DYDC1: variants seen among roughly 807,000 people sequenced by gnomAD.
DYDC1 encodes the protein DPY30 domain-containing protein 1.
A neutral mutation model predicts 27.9 loss-of-function variants in DYDC1; 21 were observed. That is an observed-to-expected ratio of 0.75 (90% CI 0.53 to 1.08). DYDC1 has a LOEUF of 1.08. Ranked by LOEUF, DYDC1 falls within the 50% of genes least tolerant of loss-of-function variation. The pLI, the probability that DYDC1 is intolerant of heterozygous loss-of-function variation, is 0.00. For synonymous variants in DYDC1, 67 were observed against 65.8 expected (o/e 1.02, Z -0.09); for missense variants, 202 against 205.9 (o/e 0.98, Z 0.12).
intron 1 of DYDC1, among the ~76,000 whole-genome samples, chr10:80,354,987 C>G (rs1336836965): frequency 6.6e-6 from 1 of 151,010 alleles, no homozygotes; most frequent in Non-Finnish European, 1.5e-5. Context: ...TATGAAATTG[C>G]AGTTAAAATA....
rs1037373134 is a variant in DYDC1 at position 80,352,482 on chromosome 10, A to G, written c.120T>C (p.Tyr40=). ...GTTGTTCCATGGTCACATTTTCCTT[A>G]TACTTGTAAATCCACAATGCTAAAT... The part of the protein sequence containing the change: ...IEYLALWIYK[Y]KENVTMEQLR... The change falls in exon 2 of 7, where the codon TAT becomes TAC. Residue 40 remains tyrosine (Y), a synonymous_variant. Coordinates refer to ENST00000372202, the MANE Select transcript of DYDC1 (RefSeq NM_001269053.2). 2 of 1,610,484 alleles carry G rather than the reference A, an allele frequency of 1.2e-6. No homozygotes were observed. The highest frequency in any genetic ancestry group is 1.3e-5 in the African/African-American group (1 of 74,904).
chr10:80,351,513 C>T (rs1180788887), intron 3 of DYDC1, among the ~76,000 whole-genome samples: 1 of 151,170 alleles, frequency 6.6e-6, no homozygotes, highest in East Asian at 2.0e-4. Flanking sequence ...CCACACTGTT[C>T]CCGCCAAATT....
chr10:80,349,711 C>CA (rs1842877678), intron 3 of DYDC1, among the ~76,000 whole-genome samples: 1 of 152,174 alleles, frequency 6.6e-6, no homozygotes, highest in Admixed American at 6.5e-5. Flanking sequence ...TGTTAAATAA[C>CA]AGTCAGATTG....
At position 80,338,584 on chromosome 10, in the gene DYDC1, A is replaced by T; in HGVS notation, c.400-13T>A. The T allele has an allele frequency of 6.6e-7, 1 of 1,524,842 alleles. No homozygotes were observed. Among genetic ancestry groups the T allele is most frequent in the Non-Finnish European group, 8.8e-7 (1 of 1,140,632 alleles). 94.5% of individuals were successfully genotyped at this position (1,524,842 alleles called of 1,614,324 possible). ...CTAGTGTTGCTTCCTACAATCAAAA[A>T]ATTGATTTTTACTTTTAAATGATTT... is the stretch of plus-strand genomic sequence containing the variant. On this transcript the variant is annotated splice_polypyrimidine_tract_variant and intron_variant, in intron 5 of 6. Transcript: ENST00000372202.
rs560946800 is a variant in DYDC1, at chr10:80,337,440, C to T, written c.504+1027G>A. The T allele has an allele frequency of 1.4e-5, 14 of 985,352 alleles. No homozygotes were observed. The South Asian group carries it at 5.2e-4, about 36-fold the overall frequency. The allele number at this position is 985,352 out of a possible 1,614,324, so 61.0% of individuals were successfully genotyped here. ...ACTTCAGGCCATCGACATCTTGTCCCCTAGATTACTACCTCCTAAGCCATC... is the reference window on the plus strand; with the variant it reads ...ACTTCAGGCCATCGACATCTTGTCCTCTAGATTACTACCTCCTAAGCCATC... On this transcript the variant is annotated intron_variant, in intron 6 of 6. Coordinates refer to ENST00000372202, the MANE Select transcript of DYDC1 (RefSeq NM_001269053.2).
chr10:80,350,129 C>T (rs1170946276), intron 3 of DYDC1, among the ~76,000 whole-genome samples: 1 of 152,232 alleles, frequency 6.6e-6, no homozygotes, highest in Non-Finnish European at 1.5e-5. Flanking sequence ...CACCAATCCA[C>T]TCCGCTAACT....
At chr10:80,355,390 G>A (rs937343432) in intron 1 of DYDC1, among the ~76,000 whole-genome samples, 4 of 152,014 alleles carry the variant, frequency 2.6e-5, no homozygotes, top group South Asian at 2.1e-4. Context: ...GTGGTGGGAG[G>A]GCAAAATGGT....
intron 2 of DYDC1, 137 bp from the exon 3 acceptor site, chr10:80,352,139 A>C (rs1267054493): frequency 1.2e-6 from 1 of 811,890 alleles, no homozygotes; most frequent in African/African-American, 1.7e-5. Context: ...GAAATGATAT[A>C]ATAATTTGGG....
At chr10:80,356,541 G>C in intron 1 of DYDC1, 171 bp downstream of exon 1, 2 of 985,516 alleles carry the variant, frequency 2.0e-6, no homozygotes, top group Non-Finnish European at 2.4e-6. Context: ...GGGAGCAGGA[G>C]GACAGCTGGC....
intron 4 of DYDC1, 147 bp from the exon 5 acceptor site, chr10:80,339,300 C>T: frequency 2.8e-6 from 1 of 363,122 alleles, no homozygotes; most frequent in South Asian, 6.7e-5. Context: ...TCTGATTACA[C>T]ATTACAAAAC....
chr10:80,337,283 C>T (rs545385672), intron 6 of DYDC1: 1 of 985,386 alleles, frequency 1.0e-6, no homozygotes, highest in Non-Finnish European at 1.2e-6. Flanking sequence ...GAAGCCCAAT[C>T]CATTTTGTTC....
chr10:80,342,943 T>G (rs1038611913), intron 3 of DYDC1, among the ~76,000 whole-genome samples: 2 of 140,018 alleles, frequency 1.4e-5, no homozygotes, highest in Admixed American at 1.6e-4. Flanking sequence ...ATTGTGCCAT[T>G]GCATTCCAGC....
intron 3 of DYDC1, among the ~76,000 whole-genome samples, chr10:80,346,216 T>C (rs1589508017): frequency 6.6e-6 from 1 of 152,158 alleles, no homozygotes; most frequent in African/African-American, 2.4e-5. Context: ...CTATTGTAAA[T>C]AATGCTGCAA....
intron 3 of DYDC1, among the ~76,000 whole-genome samples, chr10:80,350,936 A>G (rs1267366478): frequency 6.6e-6 from 1 of 152,196 alleles, no homozygotes; most frequent in Non-Finnish European, 1.5e-5. Flanking sequence ...CTTCAATTAA[A>G]AGGTCTGCCT....
At chr10:80,336,332 A>G in intron 6 of DYDC1, 147 bp from the exon 7 acceptor site, 1 of 1,363,202 alleles carries the variant, frequency 7.3e-7, no homozygotes, top group Non-Finnish European at 9.4e-7. Context: ...ATGATACTCA[A>G]ATTGAATATA....
intron 4 of DYDC1, among the ~76,000 whole-genome samples, chr10:80,339,870 G>A (rs931809130): frequency 3.9e-5 from 6 of 152,070 alleles, no homozygotes; most frequent in African/African-American, 1.4e-4. Context: ...CCATTTTCCT[G>A]GTAACTTCTT....
intron 3 of DYDC1, among the ~76,000 whole-genome samples, chr10:80,346,444 CTTTT>C (rs1032729095): frequency 4.3e-4 from 36 of 83,350 alleles, no homozygotes; most frequent in African/African-American, 1.0e-3. Context: ...TCTTCCCTTT[CTTTT>C]TTTTTTTTTT....
In DYDC1 at chr10:80,342,347, C is replaced by T. The variant is rs1842362099; in HGVS notation, c.264G>A (p.Leu88=). ...TTTCTTGCATTTCCAACTCTAGCTG[C>T]AATGCCAGCTGTTGCTGAATATTCA... ...ELLLQQQQLA[L]QLELEMQEKE... The change falls in exon 4 of 7, where the codon TTG becomes TTA. Residue 88 remains leucine (L), a synonymous_variant. Coordinates refer to ENST00000372202, the MANE Select transcript of DYDC1 (RefSeq NM_001269053.2). 6.2e-7 allele frequency: 1 copy of T among 1,613,458 alleles called. No individual in the cohort carries two copies. The highest frequency in any genetic ancestry group is 2.2e-5 in the East Asian group (1 of 44,854).
Position 80,336,115 on chromosome 10 carries a change from G to C in DYDC1, c.*41C>G, listed in dbSNP as rs1842126119. ...TTGGGAACCTCATGGTTTGAAATTT[G>C]AAACAAACAAAAACATTTATTGCTC... On this transcript the variant is annotated 3_prime_UTR_variant, in exon 7 of 7. Transcript: ENST00000372202. The C allele has an allele frequency of 7.5e-7, 1 of 1,330,614 alleles. No homozygotes were observed. Among genetic ancestry groups the C allele is most frequent in the African/African-American group, 1.5e-5 (1 of 66,844 alleles). 82.4% of individuals were successfully genotyped at this position (1,330,614 alleles called of 1,614,324 possible). A position where few individuals can be genotyped will look rare whatever the true frequency, so the allele number is the denominator to read the frequency against.
Sources: gnomAD v4.1 joint callset for allele counts (sites outside exome capture counted in the v4.1 genomes callset) on GRCh38, gnomAD v4.1.1 for gene constraint, MANE v1.5 for transcripts, NCBI Gene and HGNC (gene_info 2026-07-23, HGNC 2026-07-21) for gene names.